Variants in MEIS1 observed in about 807,000 individuals in gnomAD.
The protein encoded by MEIS1 is homeobox protein Meis1.
In MEIS1, 5 loss-of-function variants were observed where a neutral mutation model predicts 50.8. The ratio of observed to expected loss-of-function variants is 0.10; its 90% CI spans 0.05 to 0.21. MEIS1 has a LOEUF of 0.21. Among genes scored for constraint, MEIS1 ranks in the 10% least tolerant of loss-of-function variants. The pLI is 1.00. For synonymous variants in MEIS1, 176 were observed against 179.3 expected (o/e 0.98, Z 0.15); for missense variants, 318 against 517.3 (o/e 0.61, Z 3.74).
intron 12 of MEIS1, 98 bp downstream of exon 12, chr2:66,569,243 C>T: frequency 1.0e-6 from 1 of 969,860 alleles, no homozygotes; most frequent in South Asian, 1.6e-5. Flanking sequence ...CATGCTTGTT[C>T]ATTCCTTTCC....
At chr2:66,460,811 G>C (rs1558526749) in intron 6 of MEIS1, among the ~76,000 whole-genome samples, 1 of 151,950 alleles carries the variant, frequency 6.6e-6, no homozygotes, top group African/African-American at 2.4e-5. Flanking sequence ...CTAGAGCAGT[G>C]GTTCTCAAAT....
At position 66,511,500 on chromosome 2, in the gene MEIS1, A is replaced by G. The variant is rs557755431; in HGVS notation, c.743-649A>G. ...AATTCTAATTTACTATTAATTTAGC[A>G]TTACCTTATTTGATTTACACAGTAA... On this transcript the variant is annotated intron_variant, in intron 7 of 12. Coordinates refer to ENST00000272369, the MANE Select transcript of MEIS1 (RefSeq NM_002398.3). Among the ~76,000 whole-genome samples the G allele has an allele frequency of 6.1e-3, 930 of 152,342 alleles. 8 individuals are homozygous for G. Among genetic ancestry groups the G allele is most frequent in the African/African-American group, 0.021 (892 of 41,588 alleles).
chr2:66,438,844 T>C (rs1273496417), intron 2 of MEIS1, among the ~76,000 whole-genome samples: 1 of 151,986 alleles, frequency 6.6e-6, no homozygotes, highest in Non-Finnish European at 1.5e-5. Flanking sequence ...AAAAAAAATA[T>C]ATATAATCTT....
chr2:66,569,197 T>G, intron 12 of MEIS1, 52 bp downstream of exon 12: 1 of 1,451,664 alleles, frequency 6.9e-7, no homozygotes, highest in Non-Finnish European at 9.5e-7. Context: ...ATATTTTTCC[T>G]CTTGCATTTT....
At chr2:66,520,011 C>T (rs546885161) in intron 8 of MEIS1, among the ~76,000 whole-genome samples, 42 of 152,196 alleles carry the variant, frequency 2.8e-4, no homozygotes, top group Non-Finnish European at 4.6e-4. Context: ...TCATTTGCCA[C>T]GTGGCATAGA....
intron 7 of MEIS1, among the ~76,000 whole-genome samples, chr2:66,469,599 G>C (rs1376392903): frequency 6.6e-6 from 1 of 152,200 alleles, no homozygotes; most frequent in East Asian, 1.9e-4. Context: ...ATGAATAATG[G>C]GATAGGTGGG....
At chr2:66,540,070 G>A (rs1009854993) in intron 8 of MEIS1, among the ~76,000 whole-genome samples, 1 of 152,198 alleles carries the variant, frequency 6.6e-6, no homozygotes, top group Non-Finnish European at 1.5e-5. Context: ...CTAAGTAGCT[G>A]TGTGCTGTTG....
chr2:66,530,481 G>A (rs1466775923), intron 8 of MEIS1, among the ~76,000 whole-genome samples: 5 of 151,872 alleles, frequency 3.3e-5, no homozygotes, highest in East Asian at 1.9e-4. Flanking sequence ...TTGGGAGGCC[G>A]AGGCGGGCGG....
At chr2:66,525,400 T>C (rs541956417) in intron 8 of MEIS1, among the ~76,000 whole-genome samples, 1 of 152,336 alleles carries the variant, frequency 6.6e-6, no homozygotes, top group East Asian at 1.9e-4. Context: ...GACTGCAGCT[T>C]GCATAGAAAG....
At chr2:66,444,998 G>A (rs1263642701) in intron 6 of MEIS1, among the ~76,000 whole-genome samples, 1 of 152,106 alleles carries the variant, frequency 6.6e-6, no homozygotes, top group African/African-American at 2.4e-5. Flanking sequence ...AGGGGGGAGA[G>A]AGAATACAAA....
At chr2:66,526,254 G>A (rs935365658) in intron 8 of MEIS1, among the ~76,000 whole-genome samples, 1 of 152,194 alleles carries the variant, frequency 6.6e-6, no homozygotes, top group African/African-American at 2.4e-5. Context: ...GAGTTCACAT[G>A]CTAGATGTAG....
intron 2 of MEIS1, chr2:66,439,229 CTAT>C: frequency 1.0e-6 from 1 of 994,542 alleles, no homozygotes; most frequent in Non-Finnish European, 1.2e-6. Flanking sequence ...GCGGTGGGGG[CTAT>C]CAGCGAAGGG....
intron 7 of MEIS1, among the ~76,000 whole-genome samples, chr2:66,465,630 G>T (rs948056004): frequency 6.6e-6 from 1 of 152,148 alleles, no homozygotes; most frequent in African/African-American, 2.4e-5. Flanking sequence ...ACATGGGGTC[G>T]CAGCCTAGTG....
intron 1 of MEIS1, 182 bp from the exon 2 acceptor site, chr2:66,437,555 G>A (rs1671827021): frequency 1.6e-6 from 1 of 620,770 alleles, no homozygotes; most frequent in Non-Finnish European, 2.9e-6. Context: ...TGAGAATTCT[G>A]TATTTTTTAC....
chr2:66,507,987 T>C (rs1390033277), intron 7 of MEIS1, among the ~76,000 whole-genome samples: 1 of 152,238 alleles, frequency 6.6e-6, no homozygotes, highest in Non-Finnish European at 1.5e-5. Flanking sequence ...CTTTCTTTGT[T>C]GGTTGGCCTC....
intron 6 of MEIS1, among the ~76,000 whole-genome samples, chr2:66,459,578 G>A (rs1195078897): frequency 6.6e-6 from 1 of 152,180 alleles, no homozygotes; most frequent in Non-Finnish European, 1.5e-5. Context: ...TGGGAGTGAT[G>A]AGGGCCTTAA....
chr2:66,469,407 T>A (rs1672715383), intron 7 of MEIS1, among the ~76,000 whole-genome samples: 1 of 151,984 alleles, frequency 6.6e-6, no homozygotes, highest in African/African-American at 2.4e-5. Flanking sequence ...GTTCCAGACC[T>A]GTGAAGCCAG....
chr2:66,527,590 AAGTGTGTGTGTGTGTG>A (rs948915171), intron 8 of MEIS1, among the ~76,000 whole-genome samples: 2 of 97,730 alleles, frequency 2.0e-5, no homozygotes, highest in African/African-American at 8.8e-5. Flanking sequence ...CAGTAAAAGC[AAGTGTGTGTGTGTGTG>A]TGTGTGTGTG....
At chr2:66,459,407 A>C (rs1232346638) in intron 6 of MEIS1, among the ~76,000 whole-genome samples, 3 of 152,192 alleles carry the variant, frequency 2.0e-5, no homozygotes, top group Non-Finnish European at 2.9e-5. Context: ...TGTATTCTGT[A>C]GGCAGTGAGG....
Sources: gnomAD v4.1 joint callset for allele counts (sites outside exome capture counted in the v4.1 genomes callset) on GRCh38, gnomAD v4.1.1 for gene constraint, MANE v1.5 for transcripts, NCBI Gene and HGNC (gene_info 2026-07-23, HGNC 2026-07-21) for gene names.